SNTG2: variants seen among roughly 807,000 people sequenced by gnomAD.
The protein encoded by SNTG2 is gamma-2-syntrophin.
SNTG2 carries 74 observed loss-of-function variants against 70.9 expected under a neutral mutation model. That is an observed-to-expected ratio of 1.04 (90% CI 0.86 to 1.27). The LOEUF (loss-of-function observed/expected upper bound fraction) is 1.27, where lower values mean the gene tolerates loss of function less well. Ranked by LOEUF, SNTG2 falls within the 50% of genes most tolerant of loss-of-function variation. The pLI, the probability that SNTG2 is intolerant of heterozygous loss-of-function variation, is 0.00. For missense variants in SNTG2, 717 were observed against 690.7 expected, an observed-to-expected ratio of 1.04 and a Z score of -0.43; for synonymous variants, 278 against 273.8, an observed-to-expected ratio of 1.02 and a Z score of -0.15.
intron 1 of SNTG2, among the ~76,000 whole-genome samples, chr2:1,023,603 C>T (rs1408294974): frequency 1.3e-5 from 2 of 152,126 alleles, no homozygotes. Context: ...ATGTTGTGGA[C>T]AGTGTCAATT....
rs578207713 is a variant in SNTG2, at chr2:1,297,698, G to T, written c.1285-10796G>T. On this transcript the variant is annotated intron_variant, in intron 14 of 16. Coordinates refer to ENST00000308624, the MANE Select transcript of SNTG2 (RefSeq NM_018968.4). ...TCCAGCCTTTCCCTGGAAGCATCAA[G>T]TGACAGGAAAGTGGCCCAGGAGCTC... Among the ~76,000 whole-genome samples, 214 of 152,312 alleles carry T rather than the reference G, an allele frequency of 1.4e-3. 1 individual carries two copies. The Middle Eastern group carries it at 0.027, about 19-fold the overall frequency.
chr2:1,057,101 G>A (rs1171604436), intron 1 of SNTG2, among the ~76,000 whole-genome samples: 1 of 152,016 alleles, frequency 6.6e-6, no homozygotes, highest in East Asian at 1.9e-4. Context: ...CTTGGGAGCT[G>A]GGGCCAGGCC....
chr2:1,232,517 T>C (rs1676326205), intron 9 of SNTG2, among the ~76,000 whole-genome samples: 1 of 152,066 alleles, frequency 6.6e-6, no homozygotes, highest in Non-Finnish European at 1.5e-5. Flanking sequence ...AGGCTGGTCT[T>C]GAACTCCTGA....
chr2:1,067,526 T>C (rs1663236492), intron 1 of SNTG2, among the ~76,000 whole-genome samples: 1 of 152,246 alleles, frequency 6.6e-6, no homozygotes, highest in Non-Finnish European at 1.5e-5. Context: ...ATATCTTTTT[T>C]CTTAAATGTT....
At chr2:1,261,657 C>T in intron 13 of SNTG2, among the ~76,000 whole-genome samples, 1 of 152,118 alleles carries the variant, frequency 6.6e-6, no homozygotes, top group Non-Finnish European at 1.5e-5. Flanking sequence ...TAAAGATACC[C>T]CATTAAATTT....
chr2:1,016,914 T>TA (rs1323108341), intron 1 of SNTG2, among the ~76,000 whole-genome samples: 6 of 152,156 alleles, frequency 3.9e-5, no homozygotes, highest in African/African-American at 1.4e-4. Flanking sequence ...GGTGGTCTCT[T>TA]ATCAGGAGAA....
At chr2:1,139,916 A>G (rs940325069) in intron 6 of SNTG2, among the ~76,000 whole-genome samples, 2 of 152,014 alleles carry the variant, frequency 1.3e-5, no homozygotes, top group Admixed American at 1.3e-4. Flanking sequence ...ATACAAATAT[A>G]CTTTTTGAAC....
At chr2:1,203,502 A>G (rs1485127567) in intron 8 of SNTG2, among the ~76,000 whole-genome samples, 1 of 149,522 alleles carries the variant, frequency 6.7e-6, no homozygotes, top group African/African-American at 2.4e-5. Flanking sequence ...TACTTAAAAA[A>G]AAAAAGCCAG....
chr2:1,064,079 A>G (rs1476265524), intron 1 of SNTG2, among the ~76,000 whole-genome samples: 1 of 152,196 alleles, frequency 6.6e-6, no homozygotes, highest in African/African-American at 2.4e-5. Context: ...AATAATTTAA[A>G]AAGACAGCCA....
chr2:993,070 C>CTTTTTTTTTTTT (rs59134628), intron 1 of SNTG2, among the ~76,000 whole-genome samples: 1 of 140,494 alleles, frequency 7.1e-6, no homozygotes. Context: ...TTTGTGGGTT[C>CTTTTTTTTTTTT]TTTTTTTTTT....
intron 1 of SNTG2, among the ~76,000 whole-genome samples, chr2:983,265 T>TGAAGAAGTTGCAGAGGTGGAGGTC (rs1572189802): frequency 0.029 from 3,444 of 118,226 alleles, 139 homozygotes; most frequent in Middle Eastern, 0.04. Context: ...AGGTGGAGGT[T>TGAAGAAGTTGCAGAGGTGGAGGTC]GGGATGAAGC....
At chr2:1,069,716 A>G (rs1357084454) in intron 1 of SNTG2, among the ~76,000 whole-genome samples, 4 of 152,180 alleles carry the variant, frequency 2.6e-5, no homozygotes, top group East Asian at 1.9e-4. Context: ...GCTTGAACCC[A>G]GGAGGCAGAG....
intron 16 of SNTG2, among the ~76,000 whole-genome samples, chr2:1,358,110 TTCCTC>T (rs755181932): frequency 5.9e-5 from 9 of 152,094 alleles, no homozygotes; most frequent in Non-Finnish European, 1.2e-4. Context: ...CAGGTCTCCT[TTCCTC>T]TACTTACAAA....
At chr2:1,095,002 C>T (rs1443242741) in intron 2 of SNTG2, among the ~76,000 whole-genome samples, 2 of 146,670 alleles carry the variant, frequency 1.4e-5, no homozygotes, top group African/African-American at 2.5e-5. Context: ...GCTTCCTGGC[C>T]TGCAGGCAAA....
intron 16 of SNTG2, among the ~76,000 whole-genome samples, chr2:1,335,908 T>C (rs1000699982): frequency 2.6e-5 from 4 of 152,200 alleles, no homozygotes; most frequent in Non-Finnish European, 4.4e-5. Flanking sequence ...TTTACATTTC[T>C]TTTAGGTACA....
At position 968,650 on chromosome 2, in the gene SNTG2, A is replaced by T. The variant is rs567010316; in HGVS notation, c.72+17582A>T. 1.4e-3 allele frequency among the ~76,000 whole-genome samples: 220 copies of T among 152,156 alleles called. 1 individual carries two copies. The highest frequency in any genetic ancestry group is 2.5e-3 in the Non-Finnish European group (167 of 67,980). ...TAGAGTGGTGCTTTAATCCCTTCCCATAAGTTCTTATGTCTTCTTTTTGGA... is the reference window on the plus strand; with the variant it reads ...TAGAGTGGTGCTTTAATCCCTTCCCTTAAGTTCTTATGTCTTCTTTTTGGA... On this transcript the variant is annotated intron_variant, in intron 1 of 16. Coordinates refer to ENST00000308624, the MANE Select transcript of SNTG2 (RefSeq NM_018968.4).
At chr2:1,055,220 G>A (rs902769210) in intron 1 of SNTG2, among the ~76,000 whole-genome samples, 2 of 152,242 alleles carry the variant, frequency 1.3e-5, no homozygotes, top group South Asian at 4.1e-4. Flanking sequence ...TGTGTGAGAG[G>A]AGTGGGAATG....
intron 11 of SNTG2, among the ~76,000 whole-genome samples, chr2:1,241,477 T>G (rs185372054): frequency 8.0e-6 from 1 of 124,268 alleles, no homozygotes; most frequent in African/African-American, 2.7e-5. Context: ...TTTTTTTTTA[T>G]TATTATTATT....
chr2:1,291,828 C>T lies in SNTG2; in HGVS notation c.1285-16666C>T, dbSNP rs180742056. Among the ~76,000 whole-genome samples the T allele has an allele frequency of 4.5e-3, 685 of 152,276 alleles. 7 individuals carry two copies. The highest frequency in any genetic ancestry group is 0.015 in the African/African-American group (643 of 41,566). On this transcript the variant is annotated intron_variant, in intron 14 of 16. Transcript: ENST00000308624. ...TGTTTTGGCTATTCAAGGTCCTTGA[C>T]ATTCCATAGGAATTTTAAGATGGAT...
Sources: gnomAD v4.1 joint callset for allele counts (sites outside exome capture counted in the v4.1 genomes callset) on GRCh38, gnomAD v4.1.1 for gene constraint, MANE v1.5 for transcripts, NCBI Gene and HGNC (gene_info 2026-07-23, HGNC 2026-07-21) for gene names.